The following EFS variants were observed in gnomAD, a reference collection of about 807,000 sequenced individuals.
EFS encodes embryonal Fyn-associated substrate.
Under a neutral mutation model 42.2 loss-of-function variants are expected in EFS, and 34 were observed. That is an observed-to-expected ratio of 0.81 (90% CI 0.61 to 1.07). The LOEUF is 1.07. Among genes scored for constraint, EFS ranks in the 50% least tolerant of loss-of-function variants. The pLI, the probability that EFS is intolerant of heterozygous loss-of-function variation, is 0.00. For missense variants in EFS, 717 were observed against 729.4 expected (o/e 0.98, Z 0.20); for synonymous variants, 299 against 320.7 (o/e 0.93, Z 0.72).
rs1424960993 is a variant in EFS, at chr14:23,360,606, G to C, written c.246C>G (p.Ala82=). The change falls in exon 2 of 6, where the codon GCC becomes GCG. Residue 82 remains alanine, a synonymous_variant. Coordinates refer to ENST00000216733, the MANE Select transcript of EFS (RefSeq NM_005864.4). ...PKPSLSPASP[A]QPGSPYPAPD... ...GGGCTGGATATGGTGAGCCAGGCTG[G>C]GCTGGGGACGCAGGAGAGAGGCTGG... The C allele has an allele frequency of 6.3e-7, 1 of 1,588,468 alleles. No homozygotes were observed. Among genetic ancestry groups the C allele is most frequent in the Non-Finnish European group, 8.6e-7 (1 of 1,165,740 alleles).
chr14:23,359,150 C>T (rs1890027617), intron 4 of EFS, among the ~76,000 whole-genome samples, 167 bp downstream of exon 4: 1 of 152,206 alleles, frequency 6.6e-6, no homozygotes, highest in Non-Finnish European at 1.5e-5. Flanking sequence ...AACAGTGTGG[C>T]ACTGGTACAA....
In EFS at chr14:23,359,701, C is replaced by T; in HGVS notation, c.777G>A (p.Gly259=). The T allele has an allele frequency of 6.6e-7, 1 of 1,514,496 alleles. No individual in the cohort carries two copies. The highest frequency in any genetic ancestry group is 8.8e-7 in the Non-Finnish European group (1 of 1,132,820). The allele number at this position is 1,514,496 out of a possible 1,614,324, so 93.8% of individuals were successfully genotyped here. A position where few individuals can be genotyped will look rare whatever the true frequency, so the allele number is the denominator to read the frequency against. Residue 259 remains glycine, a synonymous_variant, in exon 4 of 6, where the codon GGG becomes GGA. Coordinates refer to ENST00000216733, the MANE Select transcript of EFS (RefSeq NM_005864.4). ...DEGIYDVPLL[G]PEAPPSPEPP... is the part of the protein sequence containing the mutation. ...GCTCTGGAGAAGGGGGAGCCTCTGG[C>T]CCCAGCAGAGGCACATCGTAGATCC...
At chr14:23,362,445 T>C (rs1363994887) in intron 1 of EFS, among the ~76,000 whole-genome samples, 1 of 152,230 alleles carries the variant, frequency 6.6e-6, no homozygotes, top group Non-Finnish European at 1.5e-5. Flanking sequence ...TGTTTCCCTC[T>C]GGTGGTGAGG....
chr14:23,357,706 C>T, intron 5 of EFS, 46 bp from the exon 6 acceptor site: 1 of 1,434,894 alleles, frequency 7.0e-7, no homozygotes, highest in Non-Finnish European at 9.3e-7. Context: ...TCATGAGTGC[C>T]ATTTCCTCCC....
chr14:23,360,983 C>G (rs1890135863), intron 1 of EFS, 150 bp from the exon 2 acceptor site: 1 of 794,204 alleles, frequency 1.3e-6, no homozygotes, highest in Non-Finnish European at 1.9e-6. Flanking sequence ...CCTAGCTTCT[C>G]TCCAGCTTCA....
chr14:23,357,274 T>C lies in EFS; in HGVS notation c.1638A>G (p.Ala546=), dbSNP rs780399239. The change falls in exon 6 of 6, where the codon GCA becomes GCG. Residue 546 remains alanine (A), a synonymous_variant. Transcript: ENST00000216733. ...GGGTAGTGAATTGCAGGGCCTGCCC[T>C]GCCAGTTCTGTTACACACTGCACCA... ...QEMVQCVTEL[A]GQALQFTTLL... is the part of the protein sequence containing the mutation. 2.2e-5 allele frequency: 35 copies of C among 1,586,278 alleles called. No individual in the cohort carries two copies. The highest frequency in any genetic ancestry group is 3.0e-5 in the Non-Finnish European group (35 of 1,159,980).
chr14:23,358,056 A>C (rs1889987274), intron 5 of EFS, among the ~76,000 whole-genome samples: 1 of 152,254 alleles, frequency 6.6e-6, no homozygotes, highest in Non-Finnish European at 1.5e-5. Flanking sequence ...TAAAAATGTT[A>C]TAATTTCAAC....
Position 23,358,886 on chromosome 14 carries a change from G to C in EFS, c.1241C>G (p.Pro414Arg), listed in dbSNP as rs768001711. 4 of 1,611,240 alleles carry C rather than the reference G, an allele frequency of 2.5e-6. No homozygotes were observed. The highest frequency in any genetic ancestry group is 2.7e-5 in the African/African-American group (2 of 74,786). The change falls in exon 5 of 6, where the codon CCG becomes CGG. Residue 414 changes from proline (P) to arginine (R), a missense_variant. By Grantham distance (103) the Pro-to-Arg change is moderately radical. Coordinates refer to ENST00000216733, the MANE Select transcript of EFS (RefSeq NM_005864.4). ...GDPELPERGM[P>R]APQEALSPGE... ...TCCCGCCAGGGTCACCTGCGGCGCC[G>C]GCATCCCCCTCTCGGGCAGTTCAGG... is the stretch of plus-strand genomic sequence containing the variant.
chr14:23,361,118 G>C (rs1460513121), intron 1 of EFS, among the ~76,000 whole-genome samples: 1 of 151,928 alleles, frequency 6.6e-6, no homozygotes, highest in Non-Finnish European at 1.5e-5. Flanking sequence ...TTCCATCCTC[G>C]TACTTTATAC....
rs1333486202 is a variant in EFS at position 23,359,555 on chromosome 14, G to T, written c.923C>A (p.Pro308His). 4 of 1,504,710 alleles carry T rather than the reference G, an allele frequency of 2.7e-6. No individual in the cohort carries two copies. Among genetic ancestry groups the T allele is most frequent in the Non-Finnish European group, 2.6e-6 (3 of 1,133,592 alleles). 93.2% of individuals were successfully genotyped at this position (1,504,710 alleles called of 1,614,324 possible). A position where few individuals can be genotyped will look rare whatever the true frequency, so the allele number is the denominator to read the frequency against. Residue 308 changes from proline (P) to histidine (H), a missense_variant, in exon 4 of 6, where the codon CCT (proline) becomes CAT (histidine). By Grantham distance (77) the Pro-to-His change is moderately conservative. Coordinates refer to ENST00000216733, the MANE Select transcript of EFS (RefSeq NM_005864.4). ...GGGGGCCTCAGGGACAGGCAGGGCA[G>T]GCAGAGGGCGGCGGGACAGGCTCTC... The part of the protein sequence containing the change: ...SAESLSRRPL[P>H]ALPVPEAPSP...
In EFS at chr14:23,360,281, C is replaced by A; in HGVS notation, c.298G>T (p.Val100Leu). ...APDHSNEDQE[V>L]YVVPPPARPC... ...CGAGCTGGGGGCGGCACCACATACA[C>A]CTGAGGGATCAAATAGATGGGGGGT... The change falls in exon 3 of 6, where the codon GTG (valine) becomes TTG (leucine). Residue 100 changes from valine (V) to leucine (L), a missense_variant and splice_region_variant. By Grantham distance (32) the Val-to-Leu change is conservative (BLOSUM62 1). Transcript: ENST00000216733. 3 of 1,607,386 alleles carry A rather than the reference C, an allele frequency of 1.9e-6. No homozygotes were observed. The highest frequency in any genetic ancestry group is 2.5e-6 in the Non-Finnish European group (3 of 1,176,998).
rs776545460 is a variant in EFS, at chr14:23,356,480, T to C, written c.*746A>G. The C allele has an allele frequency of 2.6e-5, 4 of 152,250 alleles. No individual in the cohort carries two copies. Among genetic ancestry groups the C allele is most frequent in the Non-Finnish European group, 5.9e-5 (4 of 68,050 alleles). The allele number at this position is 152,250 out of a possible 1,614,324, so 9.4% of individuals were successfully genotyped here. On this transcript the variant is annotated 3_prime_UTR_variant, in exon 6 of 6. Coordinates refer to ENST00000216733, the MANE Select transcript of EFS (RefSeq NM_005864.4). ...CCACTAGAACAATACATTCACAATA[T>C]ACTTGCAGAACTGTGCCTGGCGCGT...
Position 23,356,941 on chromosome 14 carries a change from A to G in EFS, c.*285T>C. ...GTGCAGTGACCTCCACCCTAGGCTGAGGAGAGAAGGATCTAGTTCCTCACT... is the reference window on the plus strand; with the variant it reads ...GTGCAGTGACCTCCACCCTAGGCTGGGGAGAGAAGGATCTAGTTCCTCACT... On this transcript the variant is annotated 3_prime_UTR_variant, in exon 6 of 6. Coordinates refer to ENST00000216733, the MANE Select transcript of EFS (RefSeq NM_005864.4). 3.8e-6 allele frequency: 1 copy of G among 260,596 alleles called. No homozygotes were observed. The highest frequency in any genetic ancestry group is 7.2e-6 in the Non-Finnish European group (1 of 139,490). The allele number at this position is 260,596 out of a possible 1,614,324, so 16.1% of individuals were successfully genotyped here.
chr14:23,364,238 G>A (rs1890247946), intron 1 of EFS, among the ~76,000 whole-genome samples: 1 of 152,240 alleles, frequency 6.6e-6, no homozygotes, highest in Non-Finnish European at 1.5e-5. Context: ...TCTGTCCAAT[G>A]GAGCCAAGCC....
At position 23,360,595 on chromosome 14, in the gene EFS, G is replaced by A. The variant is rs1376508033; in HGVS notation, c.257C>T (p.Ser86Leu). Residue 86 changes from serine to leucine, a missense_variant, in exon 2 of 6, where the codon TCA becomes TTA. By Grantham distance (145) the Ser-to-Leu change is moderately radical. Coordinates refer to ENST00000216733, the MANE Select transcript of EFS (RefSeq NM_005864.4). ...GCTGTGATCTGGGGCTGGATATGGT[G>A]AGCCAGGCTGGGCTGGGGACGCAGG... ...LSPASPAQPG[S>L]PYPAPDHSNE... The A allele has an allele frequency of 1.3e-6, 2 of 1,576,692 alleles. No homozygotes were observed. Among genetic ancestry groups the A allele is most frequent in the Admixed American group, 1.8e-5 (1 of 56,468 alleles).
In EFS at chr14:23,357,357, C is replaced by T. The variant is rs1271508125; in HGVS notation, c.1555G>A (p.Val519Met). Reference sequence around the variant, plus strand: ...AGGGCAGCTCCCTTGACAGCCAGCACAGTGGCCCGCAATGCCTGGCCCAGT... The same window carrying T: ...AGGGCAGCTCCCTTGACAGCCAGCATAGTGGCCCGCAATGCCTGGCCCAGT... ...TALGQALRAT[V>M]LAVKGAALGY... The change falls in exon 6 of 6, where the codon GTG becomes ATG. Residue 519 changes from valine (V) to methionine (M), a missense_variant. By Grantham distance (21) the Val-to-Met change is conservative. Coordinates refer to ENST00000216733, the MANE Select transcript of EFS (RefSeq NM_005864.4). 4 of 1,611,218 alleles carry T rather than the reference C, an allele frequency of 2.5e-6. No homozygotes were observed. In the African/African-American group the frequency reaches 5.3e-5, roughly 22 times the overall value.
chr14:23,359,850 G>T lies in EFS; in HGVS notation c.628C>A (p.Arg210=). The change falls in exon 4 of 6, where the codon CGG becomes AGG. Residue 210 remains arginine (R), a synonymous_variant. Coordinates refer to ENST00000216733, the MANE Select transcript of EFS (RefSeq NM_005864.4). The part of the protein sequence containing the change: ...LEPDLEWEGG[R]EPGPPIYAAP... Reference sequence around the variant, plus strand: ...GCATAGATGGGGGGCCCCGGCTCCCGGCCTCCTTCCCACTCCAGATCTGGT... The same window carrying T: ...GCATAGATGGGGGGCCCCGGCTCCCTGCCTCCTTCCCACTCCAGATCTGGT... 6.6e-7 allele frequency: 1 copy of T among 1,524,344 alleles called. No individual in the cohort carries two copies. The highest frequency in any genetic ancestry group is 8.8e-7 in the Non-Finnish European group (1 of 1,139,362). 94.4% of individuals were successfully genotyped at this position (1,524,344 alleles called of 1,614,324 possible). A position where few individuals can be genotyped will look rare whatever the true frequency, so the allele number is the denominator to read the frequency against.
At position 23,357,153 on chromosome 14, in the gene EFS, G is replaced by A; in HGVS notation, c.*73C>T. The stretch of plus-strand genomic sequence containing the variant: ...CCATTTCTCCTAGTCCCTTAACAAA[G>A]CCTTCCAGCCACCCAAGGCCTAAAG... On this transcript the variant is annotated 3_prime_UTR_variant, in exon 6 of 6. Transcript: ENST00000216733. 7.1e-7 allele frequency: 1 copy of A among 1,413,278 alleles called. No individual in the cohort carries two copies. Among genetic ancestry groups the A allele is most frequent in the Non-Finnish European group, 9.5e-7 (1 of 1,058,156 alleles). The allele number at this position is 1,413,278 out of a possible 1,614,324, so 87.5% of individuals were successfully genotyped here. A position where few individuals can be genotyped will look rare whatever the true frequency, so the allele number is the denominator to read the frequency against.
At position 23,359,450 on chromosome 14, in the gene EFS, CG is replaced by C. The variant is rs1162773224; in HGVS notation, c.1027del (p.Arg343AlafsTer44). Reference sequence around the variant, plus strand: ...CTTGGGGCCTCCATAACCAGGCAGGCGGGGTGGGGGTGGGGGCAGAGGCCGG... The same window carrying C: ...CTTGGGGCCTCCATAACCAGGCAGGCGGGTGGGGGTGGGGGCAGAGGCCGG... ...QDRPLPPPPP[R>X]LPGYGGPKVE... On this transcript the variant is annotated frameshift_variant, in exon 4 of 6. Transcript: ENST00000216733. LOFTEE classifies it high-confidence loss of function. 2.0e-6 allele frequency: 1 copy of C among 499,516 alleles called. No homozygotes were observed. Among genetic ancestry groups the C allele is most frequent in the Non-Finnish European group, 3.3e-6 (1 of 304,648 alleles). 30.9% of individuals were successfully genotyped at this position (499,516 alleles called of 1,614,324 possible).
Sources: allele counts gnomAD v4.1 joint callset (sites outside exome capture counted in the v4.1 genomes callset), GRCh38; gene constraint gnomAD v4.1.1; transcripts MANE v1.5; gene names NCBI Gene and HGNC (gene_info 2026-07-23, HGNC 2026-07-21).